LOC400499: variants seen among roughly 807,000 people sequenced by gnomAD.
chr16:11,473,527 G>C, the LOC400499 span, among the ~76,000 whole-genome samples: 14 of 152,074 alleles, frequency 9.2e-5, no homozygotes, highest in African/African-American at 2.9e-4. Context: ...AGCCAAAGCA[G>C]GCGGATCACC....
the LOC400499 span, chr16:11,475,757 T>C: frequency 2.5e-6 from 1 of 398,460 alleles, no homozygotes; most frequent in Non-Finnish European, 4.4e-6. Flanking sequence ...ATCATTTTCA[T>C]TCATTCATTA....
the LOC400499 span, among the ~76,000 whole-genome samples, chr16:11,434,280 G>A: frequency 6.6e-6 from 1 of 152,194 alleles, no homozygotes; most frequent in African/African-American, 2.4e-5. Flanking sequence ...CTGGCATGTT[G>A]GGAGGCTAAG....
chr16:11,401,122 T>G, the LOC400499 span: 1 of 397,744 alleles, frequency 2.5e-6, no homozygotes, highest in East Asian at 3.6e-5. Context: ...TCCCCAGGCT[T>G]CAGGAAGCTG....
chr16:11,476,348 G>C, the LOC400499 span, among the ~76,000 whole-genome samples: 1 of 151,980 alleles, frequency 6.6e-6, no homozygotes, highest in South Asian at 2.1e-4. Context: ...GCCCCAGAGG[G>C]ACTCCAGGAA....
At chr16:11,452,205 G>GTTTTTTTTT in the LOC400499 span, among the ~76,000 whole-genome samples, 9 of 89,786 alleles carry the variant, frequency 1.0e-4, no homozygotes, top group African/African-American at 1.1e-4. Context: ...TTTTTTGTTT[G>GTTTTTTTTT]TTTTTTTTTT....
chr16:11,465,020 C>T, the LOC400499 span, among the ~76,000 whole-genome samples: 2 of 152,200 alleles, frequency 1.3e-5, no homozygotes, highest in Admixed American at 6.5e-5. Flanking sequence ...TGTATTTTTG[C>T]AGCAAGACAT....
chr16:11,507,352 G>A, the LOC400499 span, among the ~76,000 whole-genome samples: 1 of 148,274 alleles, frequency 6.7e-6, no homozygotes, highest in Non-Finnish European at 1.5e-5. Context: ...CACATTGCAC[G>A]TGACAGCCTC....
At chr16:11,457,109 A>G in the LOC400499 span, 1 of 1,430,184 alleles carries the variant, frequency 7.0e-7, no homozygotes, top group Non-Finnish European at 9.2e-7. Context: ...GTGCCCGGGA[A>G]GTTGAGGCAG....
At chr16:11,379,603 C>A in the LOC400499 span, among the ~76,000 whole-genome samples, 5 of 152,212 alleles carry the variant, frequency 3.3e-5, no homozygotes, top group Non-Finnish European at 7.3e-5. Context: ...TGTCATGAGG[C>A]CCACAGCCAA....
chr16:11,419,965 G>A, the LOC400499 span, among the ~76,000 whole-genome samples: 1 of 150,988 alleles, frequency 6.6e-6, no homozygotes, highest in African/African-American at 2.5e-5. Flanking sequence ...CGAGGATGTG[G>A]AGAAATAGGA....
chr16:11,418,731 G>T, the LOC400499 span, among the ~76,000 whole-genome samples: 20,647 of 152,216 alleles, frequency 0.14, 1,688 homozygotes, highest in African/African-American at 0.24. Context: ...CACAATAGCA[G>T]TAGAATGGAG....
the LOC400499 span, among the ~76,000 whole-genome samples, chr16:11,463,831 G>A: frequency 6.6e-6 from 1 of 152,136 alleles, no homozygotes. Flanking sequence ...ATGGACGTGT[G>A]TTTATGGACA....
chr16:11,383,845 C>T, the LOC400499 span: 1 of 1,232,206 alleles, frequency 8.1e-7, no homozygotes, highest in Non-Finnish European at 1.0e-6. Context: ...CTTGATGAGA[C>T]AAAGGGCCTT....
the LOC400499 span, among the ~76,000 whole-genome samples, chr16:11,376,509 A>T: frequency 5.9e-5 from 9 of 152,206 alleles, no homozygotes; most frequent in African/African-American, 1.9e-4. Context: ...CCACATGTGT[A>T]AGAGTTTCTT....
chr16:11,510,797 T>G, the LOC400499 span, among the ~76,000 whole-genome samples: 1 of 151,298 alleles, frequency 6.6e-6, no homozygotes, highest in Non-Finnish European at 1.5e-5. Context: ...CCACGACAGT[T>G]GGGAACCAGA....
chr16:11,494,811 C>T, the LOC400499 span: 2 of 398,630 alleles, frequency 5.0e-6, no homozygotes, highest in Non-Finnish European at 8.8e-6. Context: ...ATGCACTTCA[C>T]AGGCCTCACC....
chr16:11,491,927 G>A, the LOC400499 span: 2 of 396,578 alleles, frequency 5.0e-6, no homozygotes, highest in Non-Finnish European at 8.9e-6. Context: ...TGCAGCAGGT[G>A]GACCTGCTGC....
At chr16:11,505,209 C>T in the LOC400499 span, among the ~76,000 whole-genome samples, 29 of 151,856 alleles carry the variant, frequency 1.9e-4, no homozygotes, top group South Asian at 6.2e-4. Context: ...TAAATATACC[C>T]ACCATGGTCG....
the LOC400499 span, chr16:11,467,213 CAA>C: frequency 6.6e-6 from 1 of 151,060 alleles, no homozygotes; most frequent in Admixed American, 6.6e-5. Flanking sequence ...TTGGCCTCCC[CAA>C]GTGTTGGGAT....
Sources: gnomAD v4.1 joint callset for allele counts (sites outside exome capture counted in the v4.1 genomes callset) on GRCh38, gnomAD v4.1.1 for gene constraint, MANE v1.5 for transcripts.